Variants in ACOT8 observed in about 807,000 individuals in gnomAD.
ACOT8 encodes the protein acyl-CoA thioesterase 8.
Under a neutral mutation model 38.4 loss-of-function variants are expected in ACOT8, and 31 were observed. The ratio of observed to expected loss-of-function variants is 0.81; its 90% CI spans 0.61 to 1.09. The LOEUF is 1.09. Ranked by LOEUF, ACOT8 falls within the 50% of genes least tolerant of loss-of-function variation. The pLI is 0.00. For synonymous variants in ACOT8, 158 were observed against 170.3 expected (o/e 0.93, Z 0.56); for missense variants, 373 against 421.8 (o/e 0.88, Z 1.01).
At chr20:45,844,039 C>T in intron 4 of ACOT8, 1 of 803,810 alleles carries the variant, frequency 1.2e-6, no homozygotes, top group Non-Finnish European at 2.0e-6. Context: ...AGCGAGGTGC[C>T]TTTTGCCTTC....
intron 2 of ACOT8, among the ~76,000 whole-genome samples, chr20:45,854,395 A>G (rs781659175): frequency 2.0e-5 from 3 of 152,280 alleles, no homozygotes; most frequent in South Asian, 2.1e-4. Context: ...TATTTTTAGT[A>G]GAGACGGGGT....
At chr20:45,854,047 G>A (rs1985238480) in intron 2 of ACOT8, 2 of 1,149,814 alleles carry the variant, frequency 1.7e-6, no homozygotes, top group Non-Finnish European at 2.3e-6. Context: ...TTTAGCATAG[G>A]TTTTGCTTTT....
chr20:45,852,146 G>A (rs1337849527), intron 2 of ACOT8, among the ~76,000 whole-genome samples: 1 of 151,634 alleles, frequency 6.6e-6, no homozygotes, highest in Non-Finnish European at 1.5e-5. Context: ...GGGATCACGG[G>A]CTAAGGTCAC....
intron 2 of ACOT8, chr20:45,853,845 T>C: frequency 9.0e-7 from 1 of 1,107,064 alleles, no homozygotes; most frequent in Non-Finnish European, 1.2e-6. Flanking sequence ...AAAAGTGTAT[T>C]TACCATTACA....
chr20:45,842,026 G>A (rs1436775078), intron 5 of ACOT8, 70 bp from the exon 6 acceptor site: 1 of 1,570,610 alleles, frequency 6.4e-7, no homozygotes, highest in East Asian at 2.3e-5. Context: ...TTTTTTTCCT[G>A]AAACAGAGTC....
chr20:45,852,843 A>G (rs1326979338), intron 2 of ACOT8, among the ~76,000 whole-genome samples: 1 of 152,124 alleles, frequency 6.6e-6, no homozygotes, highest in Non-Finnish European at 1.5e-5. Context: ...ATCTCAGCTC[A>G]CTGCAACCTC....
chr20:45,844,009 C>A, intron 4 of ACOT8: 2 of 780,282 alleles, frequency 2.6e-6, no homozygotes, highest in Non-Finnish European at 4.1e-6. Context: ...TAGTTAGCAG[C>A]AAAGCTGGAC....
intron 1 of ACOT8, among the ~76,000 whole-genome samples, chr20:45,856,653 C>G (rs1030782309): frequency 6.6e-6 from 1 of 152,208 alleles, no homozygotes; most frequent in Non-Finnish European, 1.5e-5. Context: ...GCACTCCAGC[C>G]TGGGCAACAG....
intron 2 of ACOT8, chr20:45,848,878 A>C (rs1984877612): frequency 2.1e-6 from 1 of 474,508 alleles, no homozygotes; most frequent in Non-Finnish European, 3.7e-6. Flanking sequence ...TTTCTCTAAC[A>C]GCACAAACAG....
intron 3 of ACOT8, among the ~76,000 whole-genome samples, chr20:45,847,323 G>T (rs1984745146): frequency 6.6e-6 from 1 of 152,116 alleles, no homozygotes; most frequent in Non-Finnish European, 1.5e-5. Context: ...TAAGTCCTAA[G>T]TTGCTGGACC....
intron 2 of ACOT8, among the ~76,000 whole-genome samples, chr20:45,854,930 T>C (rs1985309715): frequency 1.3e-5 from 2 of 152,170 alleles, no homozygotes; most frequent in Admixed American, 1.3e-4. Context: ...TCTTGTGTCA[T>C]TATCAGCCAG....
intron 2 of ACOT8, among the ~76,000 whole-genome samples, chr20:45,854,403 G>A (rs973928737): frequency 3.3e-5 from 5 of 152,092 alleles, no homozygotes; most frequent in African/African-American, 7.2e-5. Context: ...GTAGAGACGG[G>A]GTTTCACCGT....
At chr20:45,842,109 G>A (rs556920064) in intron 5 of ACOT8, 153 bp from the exon 6 acceptor site, 61 of 1,534,926 alleles carry the variant, frequency 4.0e-5, no homozygotes, top group Middle Eastern at 4.2e-4. Context: ...CTGAGCAGCT[G>A]GGATTACAGG....
At chr20:45,843,315 A>G (rs1458370960) in intron 5 of ACOT8, 1 of 771,492 alleles carries the variant, frequency 1.3e-6, no homozygotes, top group African/African-American at 1.7e-5. Context: ...AAGGTGAATC[A>G]CATTTCCAGC....
In ACOT8 at chr20:45,855,289, T is replaced by G; in HGVS notation, c.132A>C (p.Gly44=). ...TCTTGGCCGGTACCCAGTAATGCCT[T>G]CCTCTGTAGGGAGAGGGGGAAAGAG... ...LEPLDEDLFR[G]RHYWVPAKRL... The change falls in exon 2 of 6, where the codon GGA becomes GGC. Residue 44 remains glycine, a synonymous_variant. Transcript: ENST00000217455. The G allele has an allele frequency of 1.2e-6, 2 of 1,614,072 alleles. No homozygotes were observed. Among genetic ancestry groups the G allele is most frequent in the Non-Finnish European group, 1.7e-6 (2 of 1,180,020 alleles).
At chr20:45,856,874 T>C (rs1484558987) in intron 1 of ACOT8, among the ~76,000 whole-genome samples, 2 of 152,230 alleles carry the variant, frequency 1.3e-5, no homozygotes, top group African/African-American at 4.8e-5. Flanking sequence ...ATCCATCAGC[T>C]GTGTGCCCTT....
At position 45,857,365 on chromosome 20, in the gene ACOT8, G is replaced by C; in HGVS notation, c.-50C>G. 1 of 1,549,918 alleles carries C rather than the reference G, an allele frequency of 6.5e-7. No individual in the cohort carries two copies. ...ACACCCGCTCCGCGGAAGACGCGGA[G>C]ACATACACAGAACCTGACTCTTCCG... On this transcript the variant is annotated 5_prime_UTR_variant, in exon 1 of 6. Coordinates refer to ENST00000217455, the MANE Select transcript of ACOT8 (RefSeq NM_005469.4).
Position 45,845,706 on chromosome 20 carries a change from T to C in ACOT8, c.489-1286A>G, listed in dbSNP as rs181008871. ...GAGTGCTGTTGGACAGAACCTCCTA[T>C]GATGATGGAATGCCTATCTGCACAG... On this transcript the variant is annotated intron_variant, in intron 3 of 5. Coordinates refer to ENST00000217455, the MANE Select transcript of ACOT8 (RefSeq NM_005469.4). Among the ~76,000 whole-genome samples the C allele has an allele frequency of 3.7e-3, 571 of 152,332 alleles. 3 individuals are homozygous for C. The highest frequency in any genetic ancestry group is 0.013 in the African/African-American group (534 of 41,580).
At chr20:45,848,735 C>T (rs1984868160) in intron 2 of ACOT8, 60 bp from the exon 3 acceptor site, 1 of 1,401,640 alleles carries the variant, frequency 7.1e-7, no homozygotes, top group Admixed American at 2.0e-5. Flanking sequence ...CAACGCCTGA[C>T]AGGCACTCTA....
Sources: gnomAD v4.1 joint callset for allele counts (sites outside exome capture counted in the v4.1 genomes callset) on GRCh38, gnomAD v4.1.1 for gene constraint, MANE v1.5 for transcripts, NCBI Gene and HGNC (gene_info 2026-07-23, HGNC 2026-07-21) for gene names.